Variants in OR51B5 observed in about 807,000 individuals in gnomAD.
The protein encoded by OR51B5 is olfactory receptor 51B5.
For missense variants in OR51B5, 456 were observed against 374.6 expected (o/e 1.22, Z -1.79); for synonymous variants, 186 against 144.8 (o/e 1.28, Z -2.04).
At chr11:5,414,350 C>CCG (rs1564805731) in intron 1 of OR51B5, among the ~76,000 whole-genome samples, 3 of 135,184 alleles carry the variant, frequency 2.2e-5, no homozygotes, top group African/African-American at 8.0e-5. Flanking sequence ...AAAGACCATT[C>CCG]AGACTAGGAA....
intron 1 of OR51B5, among the ~76,000 whole-genome samples, chr11:5,495,473 G>A (rs957522965): frequency 6.6e-5 from 10 of 152,136 alleles, no homozygotes; most frequent in African/African-American, 9.7e-5. Context: ...TAGGTGAGGA[G>A]AAGTAAGTAA....
At chr11:5,476,911 C>CA (rs1564826310) in intron 1 of OR51B5, among the ~76,000 whole-genome samples, 8 of 151,980 alleles carry the variant, frequency 5.3e-5, no homozygotes, top group Non-Finnish European at 1.0e-4. Flanking sequence ...AACAGGCCAT[C>CA]GAAAAACAGG....
intron 1 of OR51B5, among the ~76,000 whole-genome samples, chr11:5,460,424 T>C (rs997295950): frequency 3.9e-5 from 6 of 152,164 alleles, no homozygotes; most frequent in Admixed American, 3.9e-4. Context: ...CTACTGAATT[T>C]TTTATTTCTA....
intron 1 of OR51B5, among the ~76,000 whole-genome samples, chr11:5,368,304 T>C (rs781337470): frequency 2.0e-5 from 3 of 152,238 alleles, no homozygotes; most frequent in Non-Finnish European, 2.9e-5. Context: ...GCGTACCCTA[T>C]AGCAAAGCAA....
chr11:5,452,568 T>C (rs1850872653), intron 1 of OR51B5, among the ~76,000 whole-genome samples: 1 of 141,706 alleles, frequency 7.1e-6, no homozygotes, highest in African/African-American at 2.6e-5. Context: ...TTTGAATATA[T>C]TTGCACAACA....
At chr11:5,386,403 T>C (rs191141027) in intron 1 of OR51B5, among the ~76,000 whole-genome samples, 48 of 152,300 alleles carry the variant, frequency 3.2e-4, no homozygotes, top group Non-Finnish European at 6.2e-4. Flanking sequence ...CTTGGGATGA[T>C]TGTTTACCTT....
At chr11:5,374,391 G>A (rs997818554) in intron 1 of OR51B5, among the ~76,000 whole-genome samples, 5 of 152,118 alleles carry the variant, frequency 3.3e-5, no homozygotes, top group Non-Finnish European at 7.4e-5. Context: ...AAAAAACAGA[G>A]CAGAAAAACT....
intron 1 of OR51B5, among the ~76,000 whole-genome samples, chr11:5,428,948 C>T (rs984012834): frequency 6.6e-6 from 1 of 152,058 alleles, no homozygotes; most frequent in African/African-American, 2.4e-5. Context: ...GTGATGTGGC[C>T]AGAGGTCACA....
At chr11:5,357,044 G>C (rs1303690444) in intron 1 of OR51B5, among the ~76,000 whole-genome samples, 1 of 150,104 alleles carries the variant, frequency 6.7e-6, no homozygotes, top group African/African-American at 2.4e-5. Flanking sequence ...AAAGACCATT[G>C]AGGCTAGGAA....
At chr11:5,365,155 C>G (rs904295271) in intron 1 of OR51B5, among the ~76,000 whole-genome samples, 2 of 152,104 alleles carry the variant, frequency 1.3e-5, no homozygotes, top group Admixed American at 6.5e-5. Flanking sequence ...TCTTCTTTGT[C>G]TGGTGAGTTC....
intron 1 of OR51B5, among the ~76,000 whole-genome samples, chr11:5,441,874 G>T (rs1850694299): frequency 6.6e-6 from 1 of 152,164 alleles, no homozygotes; most frequent in Non-Finnish European, 1.5e-5. Context: ...AGCATAGATG[G>T]AACATCTACT....
chr11:5,430,503 A>C lies in OR51B5; in HGVS notation n.84+75066T>G, dbSNP rs2647578. The C allele has an allele frequency of 7.6e-3, 2,716 of 359,000 alleles. 66 individuals carry two copies. The highest frequency in any genetic ancestry group is 0.055 in the African/African-American group (2,559 of 46,826). 22.2% of individuals were successfully genotyped at this position (359,000 alleles called of 1,614,324 possible). On this transcript the variant is annotated intron_variant and non_coding_transcript_variant, in intron 1 of 4. Coordinates refer to the OR51B5 transcript ENST00000415970. The stretch of plus-strand genomic sequence containing the variant: ...TGTGAGATGGAAAGGGTTAGGAATA[A>C]CTCTTGCATTTCAGATTCAAGCCTG...
intron 1 of OR51B5, among the ~76,000 whole-genome samples, chr11:5,472,540 G>C (rs1851244173): frequency 1.3e-5 from 2 of 152,180 alleles, no homozygotes; most frequent in South Asian, 4.1e-4. Flanking sequence ...AGAGTCCCCT[G>C]GTTCTGCTAA....
At chr11:5,374,886 C>T (rs2975554) in intron 1 of OR51B5, among the ~76,000 whole-genome samples, 12 of 151,496 alleles carry the variant, frequency 7.9e-5, no homozygotes, top group African/African-American at 2.7e-4. Flanking sequence ...CGGGGAGAAT[C>T]GAACCAAGTT....
downstream of OR51B5, chr11:5,340,550 TACAATGCA>T (rs1320528439): frequency 1.3e-5 from 2 of 152,060 alleles, no homozygotes; most frequent in Non-Finnish European, 2.9e-5. Flanking sequence ...AGTTTGGAGA[TACAATGCA>T]AAATATCAGT....
upstream of OR51B5, chr11:5,343,760 G>A (rs376612121): frequency 1.9e-4 from 75 of 392,788 alleles, no homozygotes; most frequent in African/African-American, 1.4e-3. Context: ...AATTCTTGGA[G>A]TTTCAACTGT....
intron 1 of OR51B5, among the ~76,000 whole-genome samples, chr11:5,438,627 C>G (rs1850625653): frequency 6.6e-6 from 1 of 152,152 alleles, no homozygotes; most frequent in Non-Finnish European, 1.5e-5. Context: ...AACTCAGTTT[C>G]TGCCTCCATT....
chr11:5,389,959 C>T (rs1449339537), intron 1 of OR51B5: 8 of 1,611,574 alleles, frequency 5.0e-6, no homozygotes, highest in South Asian at 1.1e-5. Context: ...TGGTCCTCTC[C>T]CACTCATTTT....
In OR51B5 at chr11:5,356,650, G is replaced by A. The variant is rs1157892400; in HGVS notation, n.85-9740C>T. 4.8e-5 allele frequency among the ~76,000 whole-genome samples: 6 copies of A among 125,860 alleles called. No homozygotes were observed. In the East Asian group the frequency reaches 1.2e-3, roughly 25 times the overall value. 82.6% of individuals were successfully genotyped at this position (125,860 alleles called of 152,430 possible). ...ACGCCACAAAGATACTCCTTGAGAA[G>A]AGCAACTACAAGGCACATAATTGTC... On this transcript the variant is annotated intron_variant and non_coding_transcript_variant, in intron 1 of 4. Coordinates refer to the OR51B5 transcript ENST00000415970.
Sources: gnomAD v4.1 joint callset for allele counts (sites outside exome capture counted in the v4.1 genomes callset) on GRCh38, gnomAD v4.1.1 for gene constraint, MANE v1.5 for transcripts, NCBI Gene and HGNC (gene_info 2026-07-23, HGNC 2026-07-21) for gene names.